The following XYLT1 variants were observed in gnomAD, a reference collection of about 807,000 sequenced individuals.
The protein encoded by XYLT1 is beta-D-xylosyltransferase 1.
XYLT1 carries 36 observed loss-of-function variants against 91.3 expected under a neutral mutation model. The observed-to-expected ratio is 0.39, with a 90% CI of 0.30 to 0.52. The LOEUF is 0.52. Among genes scored for constraint, XYLT1 ranks in the 20% least tolerant of loss-of-function variants. The pLI is 0.68. For synonymous variants in XYLT1, 588 were observed against 532.0 expected (o/e 1.11, Z -1.45); for missense variants, 1,242 against 1,284.5 (o/e 0.97, Z 0.51).
At chr16:17,223,835 C>G (rs1457584648) in intron 3 of XYLT1, among the ~76,000 whole-genome samples, 1 of 152,224 alleles carries the variant, frequency 6.6e-6, no homozygotes. Context: ...TTACCCATCT[C>G]TGGTTGAAGA....
intron 6 of XYLT1, among the ~76,000 whole-genome samples, chr16:17,153,321 T>C (rs2031327339): frequency 6.6e-6 from 1 of 152,248 alleles, no homozygotes; most frequent in Non-Finnish European, 1.5e-5. Flanking sequence ...GTATTAGAGT[T>C]GGCCCGTGAA....
At chr16:17,237,240 A>C (rs142552030) in intron 3 of XYLT1, among the ~76,000 whole-genome samples, 286 of 152,304 alleles carry the variant, frequency 1.9e-3, no homozygotes, top group Admixed American at 2.5e-3. Flanking sequence ...TTATTATTTG[A>C]AGGGCTCCAG....
intron 1 of XYLT1, among the ~76,000 whole-genome samples, chr16:17,371,362 C>A (rs925564233): frequency 2.6e-5 from 4 of 152,178 alleles, no homozygotes; most frequent in Admixed American, 6.5e-5. Context: ...AAACCCAATT[C>A]ATGTTATAGG....
At chr16:17,201,188 C>G (rs1011147148) in intron 3 of XYLT1, among the ~76,000 whole-genome samples, 6 of 152,292 alleles carry the variant, frequency 3.9e-5, no homozygotes, top group Non-Finnish European at 8.8e-5. Flanking sequence ...CAATGTTGTA[C>G]AGCAGGATCT....
chr16:17,130,355 T>C (rs894986609), intron 9 of XYLT1, among the ~76,000 whole-genome samples: 2 of 152,234 alleles, frequency 1.3e-5, no homozygotes, highest in African/African-American at 4.8e-5. Context: ...TGCCAGTGTG[T>C]GTTCTGTGAG....
At chr16:17,468,655 G>A (rs762906992) in intron 1 of XYLT1, among the ~76,000 whole-genome samples, 6 of 152,152 alleles carry the variant, frequency 3.9e-5, no homozygotes, top group Non-Finnish European at 7.3e-5. Context: ...CACAATGCCG[G>A]GGACCTATGA....
chr16:17,385,932 A>G (rs955937807), intron 1 of XYLT1, among the ~76,000 whole-genome samples: 1 of 152,212 alleles, frequency 6.6e-6, no homozygotes, highest in Non-Finnish European at 1.5e-5. Context: ...AGCACTAACA[A>G]TAGCACCTAC....
chr16:17,191,350 C>T (rs756743395), intron 5 of XYLT1, among the ~76,000 whole-genome samples: 3 of 152,224 alleles, frequency 2.0e-5, no homozygotes, highest in Non-Finnish European at 4.4e-5. Context: ...TACGCAGATG[C>T]AGTGACTGTA....
intron 2 of XYLT1, among the ~76,000 whole-genome samples, chr16:17,289,860 C>A (rs1567358550): frequency 6.6e-6 from 1 of 152,156 alleles, no homozygotes. Context: ...TCCCACACAC[C>A]CCGTCTCTGG....
rs551891197 is a variant in XYLT1, at chr16:17,239,649, C to A, written c.913+19339G>T. ...CCATTCATCCATCCACTCATCCGCC[C>A]AGCCCATCCATCCATGTTCCTAGTC... On this transcript the variant is annotated intron_variant, in intron 3 of 11. Coordinates refer to ENST00000261381, the MANE Select transcript of XYLT1 (RefSeq NM_022166.4). 1.6e-4 allele frequency among the ~76,000 whole-genome samples: 25 copies of A among 151,810 alleles called. No homozygotes were observed. In the East Asian group the frequency reaches 4.7e-3, roughly 28 times the overall value.
At chr16:17,135,761 T>G (rs2030694544) in intron 8 of XYLT1, among the ~76,000 whole-genome samples, 1 of 152,166 alleles carries the variant, frequency 6.6e-6, no homozygotes, top group Admixed American at 6.5e-5. Context: ...AGCTACCAGG[T>G]GTTATACTTT....
At chr16:17,204,966 CAAAAAAAAAAAAAAAA>C (rs530525798) in intron 3 of XYLT1, among the ~76,000 whole-genome samples, 2 of 81,272 alleles carry the variant, frequency 2.5e-5, no homozygotes, top group Non-Finnish European at 4.8e-5. Flanking sequence ...TGCCCAGCTC[CAAAAAAAAAAAAAAAA>C]AAAAAAAAGA....
intron 1 of XYLT1, among the ~76,000 whole-genome samples, chr16:17,363,602 C>CA (rs1285271856): frequency 6.6e-6 from 1 of 152,154 alleles, no homozygotes; most frequent in Admixed American, 6.5e-5. Flanking sequence ...TGCAGTGGCA[C>CA]AATCCAAGCT....
At chr16:17,419,525 T>C (rs1255922156) in intron 1 of XYLT1, among the ~76,000 whole-genome samples, 1 of 151,600 alleles carries the variant, frequency 6.6e-6, no homozygotes, top group African/African-American at 2.4e-5. Context: ...GATTCGCCCA[T>C]CCCTGGTACA....
chr16:17,432,793 C>T lies in XYLT1; in HGVS notation c.363+37641G>A, dbSNP rs897252813. Among the ~76,000 whole-genome samples the T allele has an allele frequency of 2.1e-4, 32 of 152,136 alleles. No homozygotes were observed. The Middle Eastern group carries it at 0.014, about 65-fold the overall frequency. On this transcript the variant is annotated intron_variant, in intron 1 of 11. Transcript: ENST00000261381. ...GTAGACTGCAATAAACCCAAAGACA[C>T]GCTGGTTGTTCTAGAGGAGGCTAAA...
rs1444261356 is a variant in XYLT1 at position 17,108,710 on chromosome 16, A to G, written c.2865T>C (p.Asp955=). 47 of 1,580,818 alleles carry G rather than the reference A, an allele frequency of 3.0e-5. No homozygotes were observed. Among genetic ancestry groups the G allele is most frequent in the Non-Finnish European group, 3.8e-5 (44 of 1,164,462 alleles). ...GTGCCCAGTGCTACCTGAGCCGGCC[A>G]TCAGGTTTGACTGCCCCCAGCTCCG... ...PKSELGAVKP[D]GRLR The change falls in exon 12 of 12, where the codon GAT becomes GAC. Residue 955 remains aspartate (D), a synonymous_variant. Transcript: ENST00000261381.
chr16:17,470,875 C>T lies in XYLT1; in HGVS notation c.-79G>A. 2.0e-6 allele frequency: 2 copies of T among 978,596 alleles called. No individual in the cohort carries two copies. The highest frequency in any genetic ancestry group is 4.6e-5 in the South Asian group (1 of 21,968). The allele number at this position is 978,596 out of a possible 1,614,324, so 60.6% of individuals were successfully genotyped here. A position where few individuals can be genotyped will look rare whatever the true frequency, so the allele number is the denominator to read the frequency against. ...GCCCCCGCGCTCCCCGCAGCTCCCG[C>T]GGCCGCCGGCTGCCGCTCGGGCTCC... is the stretch of plus-strand genomic sequence containing the variant. On this transcript the variant is annotated 5_prime_UTR_variant, in exon 1 of 12. Coordinates refer to ENST00000261381, the MANE Select transcript of XYLT1 (RefSeq NM_022166.4).
chr16:17,371,563 T>C (rs761148073), intron 1 of XYLT1, among the ~76,000 whole-genome samples: 1 of 152,234 alleles, frequency 6.6e-6, no homozygotes, highest in Non-Finnish European at 1.5e-5. Context: ...TTAGTCTTTA[T>C]AGGATATGTA....
At chr16:17,251,580 A>C (rs2033538780) in intron 3 of XYLT1, among the ~76,000 whole-genome samples, 1 of 152,160 alleles carries the variant, frequency 6.6e-6, no homozygotes, top group African/African-American at 2.4e-5. Flanking sequence ...CTTTCTTGGG[A>C]CATTTTAACT....
Sources: allele counts gnomAD v4.1 joint callset (sites outside exome capture counted in the v4.1 genomes callset), GRCh38; gene constraint gnomAD v4.1.1; transcripts MANE v1.5; gene names NCBI Gene and HGNC (gene_info 2026-07-23, HGNC 2026-07-21).